TRIM9: variants seen among roughly 807,000 people sequenced by gnomAD.
TRIM9 encodes the protein E3 ubiquitin-protein ligase TRIM9.
In TRIM9, 26 loss-of-function variants were observed where a neutral mutation model predicts 78.3. That is an observed-to-expected ratio of 0.33 (90% CI 0.24 to 0.46). The LOEUF is 0.46. Among genes scored for constraint, TRIM9 ranks in the 20% least tolerant of loss-of-function variants. The pLI, the probability that TRIM9 is intolerant of heterozygous loss-of-function variation, is 1.00. For synonymous variants in TRIM9, 398 were observed against 416.5 expected (o/e 0.96, Z 0.54); for missense variants, 787 against 1,036.4 (o/e 0.76, Z 3.30).
At chr14:50,999,173 G>A (rs562945372) in intron 6 of TRIM9, among the ~76,000 whole-genome samples, 2 of 152,106 alleles carry the variant, frequency 1.3e-5, no homozygotes, top group South Asian at 4.2e-4. Flanking sequence ...GGGGAGGACC[G>A]CACTTTTGAG....
At chr14:51,058,417 C>G (rs2061061449) in intron 1 of TRIM9, among the ~76,000 whole-genome samples, 1 of 152,200 alleles carries the variant, frequency 6.6e-6, no homozygotes, top group Non-Finnish European at 1.5e-5. Context: ...GTCATTGATT[C>G]AGGTACTTGT....
chr14:51,079,147 AT>A lies in TRIM9; in HGVS notation c.822+14970del, dbSNP rs531955139. 1.6e-3 allele frequency among the ~76,000 whole-genome samples: 251 copies of A among 152,352 alleles called. 1 individual carries two copies. The highest frequency in any genetic ancestry group is 5.9e-3 in the African/African-American group (247 of 41,592). ...AGACACTAATCCAAAAGCCTTCATAATATGCAAATTAAATAATGTGAATGGA... is the reference window on the plus strand; with the variant it reads ...AGACACTAATCCAAAAGCCTTCATAAATGCAAATTAAATAATGTGAATGGA... On this transcript the variant is annotated intron_variant, in intron 1 of 12. Transcript: ENST00000684578.
intron 9 of TRIM9, 88 bp downstream of exon 9, chr14:50,983,292 A>C (rs996348101): frequency 4.5e-6 from 5 of 1,120,432 alleles, no homozygotes; most frequent in Non-Finnish European, 5.1e-6. Flanking sequence ...TTTTATTGAC[A>C]TAAGACAAGT....
At chr14:51,072,214 A>C (rs748363507) in intron 1 of TRIM9, among the ~76,000 whole-genome samples, 2 of 152,052 alleles carry the variant, frequency 1.3e-5, no homozygotes, top group African/African-American at 2.4e-5. Context: ...TTTCATAGGG[A>C]AACTTAACTC....
At chr14:51,031,175 G>GT (rs2058705247) in intron 1 of TRIM9, among the ~76,000 whole-genome samples, 1 of 133,238 alleles carries the variant, frequency 7.5e-6, no homozygotes, top group Non-Finnish European at 1.7e-5. Flanking sequence ...AGAAAGAAAA[G>GT]AAAAGAAAGA....
At chr14:50,996,699 A>G (rs1224089304) in intron 7 of TRIM9, 1 of 985,334 alleles carries the variant, frequency 1.0e-6, no homozygotes, top group African/African-American at 1.7e-5. Flanking sequence ...TTTTGAGAAA[A>G]GAGGCAACTG....
intron 1 of TRIM9, chr14:51,089,428 C>T (rs2064105128): frequency 6.6e-6 from 1 of 152,284 alleles, no homozygotes; most frequent in East Asian, 1.9e-4. Flanking sequence ...GTTCCCTGTA[C>T]ATTATTTTCA....
chr14:51,043,032 A>G (rs938587768), intron 1 of TRIM9, among the ~76,000 whole-genome samples: 1 of 152,206 alleles, frequency 6.6e-6, no homozygotes, highest in Non-Finnish European at 1.5e-5. Flanking sequence ...TGCTTATAAG[A>G]GGTCCTAAAA....
chr14:50,999,878 C>T (rs1453934677), intron 6 of TRIM9, among the ~76,000 whole-genome samples: 4 of 152,042 alleles, frequency 2.6e-5, no homozygotes, highest in Non-Finnish European at 4.4e-5. Flanking sequence ...AGACACATGC[C>T]GGCAGGTGGT....
chr14:51,091,830 T>G (rs1032780061), intron 1 of TRIM9, among the ~76,000 whole-genome samples: 3 of 152,190 alleles, frequency 2.0e-5, no homozygotes, highest in Non-Finnish European at 2.9e-5. Context: ...TTGTGGCAGG[T>G]AGATATCTAA....
intron 1 of TRIM9, among the ~76,000 whole-genome samples, chr14:51,027,699 C>T (rs1010323045): frequency 6.6e-6 from 1 of 152,142 alleles, no homozygotes; most frequent in African/African-American, 2.4e-5. Flanking sequence ...AAAAGTTTCT[C>T]CTCAATAACT....
In TRIM9 at chr14:51,025,308, T is replaced by G; in HGVS notation, c.875A>C (p.Lys292Thr). 6.2e-7 allele frequency: 1 copy of G among 1,614,214 alleles called. No homozygotes were observed. Among genetic ancestry groups the G allele is most frequent in the Non-Finnish European group, 8.5e-7 (1 of 1,180,038 alleles). The part of the protein sequence containing the change: ...NGLSDRAKEA[K>T]EFLVQLRNMV... ...GTTGCGCAGCTGTACCAGAAACTCC[T>G]TGGCTTCTTTGGCCCTGTCTGACAG... is the stretch of plus-strand genomic sequence containing the variant. Residue 292 changes from lysine (K) to threonine (T), a missense_variant, in exon 2 of 13, where the codon AAG (lysine) becomes ACG (threonine). Lys to Thr is a moderately conservative substitution (Grantham distance 78). Coordinates refer to ENST00000684578, the MANE Select transcript of TRIM9 (RefSeq NM_001387360.1).
chr14:51,054,008 C>T (rs918494559), intron 1 of TRIM9, among the ~76,000 whole-genome samples: 1 of 152,182 alleles, frequency 6.6e-6, no homozygotes, highest in African/African-American at 2.4e-5. Context: ...CCAACATTAA[C>T]TTTTAAAATT....
intron 2 of TRIM9, among the ~76,000 whole-genome samples, chr14:51,023,227 G>A (rs185894779): frequency 6.6e-6 from 1 of 152,252 alleles, no homozygotes; most frequent in Non-Finnish European, 1.5e-5. Flanking sequence ...GCAAAACAAA[G>A]CTTTAGTTCA....
At chr14:51,066,720 A>G (rs550938732) in intron 1 of TRIM9, among the ~76,000 whole-genome samples, 4 of 152,302 alleles carry the variant, frequency 2.6e-5, no homozygotes, top group Non-Finnish European at 2.9e-5. Context: ...GCATTTATGG[A>G]CAGAAAATGG....
At chr14:51,037,157 A>G (rs1334408543) in intron 1 of TRIM9, among the ~76,000 whole-genome samples, 2 of 152,212 alleles carry the variant, frequency 1.3e-5, no homozygotes, top group Admixed American at 6.5e-5. Context: ...TTTACTTACT[A>G]GTTACTATCT....
intron 7 of TRIM9, among the ~76,000 whole-genome samples, chr14:50,993,158 C>T (rs553220445): frequency 3.4e-4 from 51 of 152,172 alleles, no homozygotes; most frequent in African/African-American, 1.2e-3. Flanking sequence ...GGGCAAATCT[C>T]GTCACTGCCA....
At chr14:51,018,315 CT>C (rs556675828) in intron 3 of TRIM9, among the ~76,000 whole-genome samples, 17 of 151,716 alleles carry the variant, frequency 1.1e-4, no homozygotes, top group Non-Finnish European at 2.2e-4. Flanking sequence ...TCCTCCCTCC[CT>C]TTTTTCTTTC....
At chr14:51,038,621 G>A (rs1212774425) in intron 1 of TRIM9, among the ~76,000 whole-genome samples, 3 of 152,114 alleles carry the variant, frequency 2.0e-5, no homozygotes, top group Non-Finnish European at 4.4e-5. Flanking sequence ...CACATTTCAA[G>A]GTTGAATTAA....
Sources: gnomAD v4.1 joint callset for allele counts (sites outside exome capture counted in the v4.1 genomes callset) on GRCh38, gnomAD v4.1.1 for gene constraint, MANE v1.5 for transcripts, NCBI Gene and HGNC (gene_info 2026-07-23, HGNC 2026-07-21) for gene names.